MMS22L: variants seen among roughly 807,000 people sequenced by gnomAD.
MMS22L encodes MMS22 like, DNA repair protein.
In MMS22L, 74 loss-of-function variants were observed where a neutral mutation model predicts 159.1. That is an observed-to-expected ratio of 0.47 (90% CI 0.39 to 0.56). The LOEUF is 0.56. MMS22L is among the 20% of genes least tolerant of loss of function. The pLI is 0.00. For missense variants in MMS22L, 1,351 were observed against 1,422.1 expected (o/e 0.95, Z 0.80); for synonymous variants, 517 against 506.9 (o/e 1.02, Z -0.27).
At chr6:97,241,448 C>G (rs1812058892) in intron 11 of MMS22L, among the ~76,000 whole-genome samples, 1 of 152,290 alleles carries the variant, frequency 6.6e-6, no homozygotes, top group African/African-American at 2.4e-5. Flanking sequence ...TTCACCAAAT[C>G]CACACCAACA....
chr6:97,190,336 G>C (rs1228989990), intron 14 of MMS22L, among the ~76,000 whole-genome samples: 1 of 152,024 alleles, frequency 6.6e-6, no homozygotes, highest in Non-Finnish European at 1.5e-5. Context: ...TGTGATTTCT[G>C]GTCAGAAACT....
intron 17 of MMS22L, 144 bp downstream of exon 17, chr6:97,179,264 A>G: frequency 4.7e-6 from 3 of 638,138 alleles, no homozygotes; most frequent in Non-Finnish European, 7.1e-6. Flanking sequence ...AACAGGCTAC[A>G]AAAGGAAATT....
intron 14 of MMS22L, among the ~76,000 whole-genome samples, chr6:97,214,006 G>A: frequency 6.6e-6 from 1 of 152,156 alleles, no homozygotes; most frequent in African/African-American, 2.4e-5. Context: ...ATTTGCATCT[G>A]TTGGATATAT....
At chr6:97,267,210 A>G (rs965786990) in intron 8 of MMS22L, 5 of 152,320 alleles carry the variant, frequency 3.3e-5, no homozygotes, top group Middle Eastern at 3.4e-3. Context: ...AATGCATAAA[A>G]AAATCTAAAT....
chr6:97,235,260 A>G (rs1811275794), intron 11 of MMS22L, among the ~76,000 whole-genome samples: 1 of 152,202 alleles, frequency 6.6e-6, no homozygotes, highest in Non-Finnish European at 1.5e-5. Context: ...AGGTTTTTGC[A>G]TAAGGAAATA....
intron 10 of MMS22L, among the ~76,000 whole-genome samples, chr6:97,250,285 T>C (rs1015556682): frequency 2.6e-5 from 4 of 152,156 alleles, no homozygotes; most frequent in Non-Finnish European, 4.4e-5. Flanking sequence ...CTCTACCAGA[T>C]ATGTAGAACA....
Position 97,168,078 on chromosome 6 carries a change from T to C in MMS22L, c.3002A>G (p.Tyr1001Cys). 1 of 1,607,904 alleles carries C rather than the reference T, an allele frequency of 6.2e-7. No homozygotes were observed. Among genetic ancestry groups the C allele is most frequent in the Non-Finnish European group, 8.5e-7 (1 of 1,177,770 alleles). Residue 1001 changes from tyrosine to cysteine, a missense_variant, in exon 20 of 25, where the codon TAT (tyrosine) becomes TGT (cysteine). Transcript: ENST00000683635. ...CAACCACAGATACTATACCTGGAGA[T>C]ACAAAGGAAGACTTTTCTGAATTGC... ...LSAIQKSLPL[Y>C]LQGMCIVCCQ...
rs1193386382 is a variant in MMS22L at position 97,268,019 on chromosome 6, AAT to A, written c.698-19_698-18del. ...CAACTTGTTCTGAAAATGTAATAAA[AAT>A]AGTTTTAAAATACAGATTTTACTAA... is the stretch of plus-strand genomic sequence containing the variant. On this transcript the variant is annotated intron_variant, in intron 7 of 24. Transcript: ENST00000683635. 8.0e-6 allele frequency: 12 copies of A among 1,491,350 alleles called. No homozygotes were observed. Among genetic ancestry groups the A allele is most frequent in the East Asian group, 2.4e-5 (1 of 40,850 alleles). 92.4% of individuals were successfully genotyped at this position (1,491,350 alleles called of 1,614,324 possible).
At chr6:97,204,935 G>A (rs1443747750) in intron 14 of MMS22L, among the ~76,000 whole-genome samples, 1 of 114,444 alleles carries the variant, frequency 8.7e-6, no homozygotes, top group Non-Finnish European at 1.8e-5. Flanking sequence ...CATGTACAGT[G>A]TCTTTTTTTT....
Position 97,229,121 on chromosome 6 carries a change from C to CT in MMS22L, c.1811dup (p.Glu605GlyfsTer6). Reference sequence around the variant, plus strand: ...CCTCATTCTTAGACACCAAGAATTCCTTTGCTTTCTCCCGGAAAGCACATG... The same window carrying CT: ...CCTCATTCTTAGACACCAAGAATTCCTTTTGCTTTCTCCCGGAAAGCACATG... On this transcript the variant is annotated frameshift_variant, in exon 14 of 25. Transcript: ENST00000683635. LOFTEE classifies it high-confidence loss of function. 1 of 1,614,118 alleles carries CT rather than the reference C, an allele frequency of 6.2e-7. No individual in the cohort carries two copies. Among genetic ancestry groups the CT allele is most frequent in the Non-Finnish European group, 8.5e-7 (1 of 1,179,996 alleles).
rs1800701222 is a variant in MMS22L, at chr6:97,142,774, A to G, written c.*4032T>C. On this transcript the variant is annotated 3_prime_UTR_variant, in exon 25 of 25. Coordinates refer to ENST00000683635, the MANE Select transcript of MMS22L (RefSeq NM_001350599.2). ...ATTTTTAACTGTCAAAGATTCTGTG[A>G]AAGTACACAGAAGCAGGTCCGTGTA... 2 of 152,116 alleles carry G rather than the reference A, an allele frequency of 1.3e-5. No individual in the cohort carries two copies. Among genetic ancestry groups the G allele is most frequent in the South Asian group, 4.1e-4 (2 of 4,826 alleles). 9.4% of individuals were successfully genotyped at this position (152,116 alleles called of 1,614,324 possible).
At chr6:97,243,216 C>T (rs1562498229) in intron 11 of MMS22L, among the ~76,000 whole-genome samples, 1 of 152,100 alleles carries the variant, frequency 6.6e-6, no homozygotes, top group African/African-American at 2.4e-5. Flanking sequence ...ACCAATTATT[C>T]TTAGGTTTGG....
chr6:97,164,661 G>C (rs904946046), intron 21 of MMS22L, among the ~76,000 whole-genome samples: 6 of 151,914 alleles, frequency 3.9e-5, no homozygotes, highest in Non-Finnish European at 7.4e-5. Flanking sequence ...CTGTCACCCA[G>C]GCTATAGTAC....
At chr6:97,177,840 A>G (rs1024378307) in intron 18 of MMS22L, among the ~76,000 whole-genome samples, 3 of 152,170 alleles carry the variant, frequency 2.0e-5, no homozygotes, top group Non-Finnish European at 4.4e-5. Context: ...AACTTTTACA[A>G]TTAATAGCTT....
At chr6:97,199,897 T>C (rs1358359945) in intron 14 of MMS22L, among the ~76,000 whole-genome samples, 1 of 152,126 alleles carries the variant, frequency 6.6e-6, no homozygotes, top group East Asian at 1.9e-4. Context: ...CTTGAAATTA[T>C]GTGTAAAGTT....
intron 6 of MMS22L, chr6:97,270,533 C>T (rs1389676924): frequency 3.7e-6 from 1 of 272,648 alleles, no homozygotes; most frequent in African/African-American, 2.3e-5. Flanking sequence ...CAAAACCCAG[C>T]ACTTTCAAGT....
At chr6:97,264,246 C>T (rs1341758454) in intron 8 of MMS22L, 2 of 151,968 alleles carry the variant, frequency 1.3e-5, no homozygotes, top group African/African-American at 4.8e-5. Context: ...CAAAAGACTT[C>T]TAATGAAAAG....
intron 3 of MMS22L, 130 bp downstream of exon 3, chr6:97,281,107 A>G: frequency 2.5e-6 from 2 of 808,430 alleles, no homozygotes; most frequent in East Asian, 2.7e-5. Flanking sequence ...GTTACTGGTA[A>G]GATAATCAAG....
intron 14 of MMS22L, among the ~76,000 whole-genome samples, chr6:97,208,490 G>A (rs1808027431): frequency 6.6e-6 from 1 of 151,970 alleles, no homozygotes; most frequent in African/African-American, 2.4e-5. Flanking sequence ...AATGTTCTGG[G>A]TGATACAAAT....
Sources: allele counts gnomAD v4.1 joint callset (sites outside exome capture counted in the v4.1 genomes callset), GRCh38; gene constraint gnomAD v4.1.1; transcripts MANE v1.5; gene names NCBI Gene and HGNC (gene_info 2026-07-23, HGNC 2026-07-21).